The following DNAH6 variants were observed in gnomAD, a reference collection of about 807,000 sequenced individuals.
DNAH6 encodes dynein axonemal heavy chain 6.
DNAH6 carries 340 observed loss-of-function variants against 491.4 expected under a neutral mutation model. That is an observed-to-expected ratio of 0.69 (90% confidence interval 0.63 to 0.76). The LOEUF (loss-of-function observed/expected upper bound fraction) is 0.76, where lower values mean the gene tolerates loss of function less well. Ranked by LOEUF, DNAH6 falls within the 30% of genes least tolerant of loss-of-function variation. The probability of loss-of-function intolerance (pLI) is 0.00; values close to 1 mark genes in which losing one functional copy is unlikely to be tolerated. For synonymous variants in DNAH6, 1,603 were observed against 1,686.1 expected, an observed-to-expected ratio of 0.95 and a Z score of 1.21; for missense variants, 4,443 against 4,972.2, an observed-to-expected ratio of 0.89 and a Z score of 3.20.
At chr2:84,573,440 A>G (rs1682095563) in intron 11 of DNAH6, 27 bp from the exon 12 acceptor site, 1 of 1,555,002 alleles carries the variant, frequency 6.4e-7, no homozygotes, top group Non-Finnish European at 8.6e-7. Context: ...ATATGGTCAT[A>G]TTTGTCTGCT....
At chr2:84,566,647 G>A (rs960173746) in intron 11 of DNAH6, among the ~76,000 whole-genome samples, 15 of 151,778 alleles carry the variant, frequency 9.9e-5, no homozygotes, top group Admixed American at 5.9e-4. Flanking sequence ...ATACTGACAA[G>A]TTTATAATAA....
intron 62 of DNAH6, among the ~76,000 whole-genome samples, chr2:84,744,410 A>G (rs1378948453): frequency 1.3e-5 from 2 of 152,240 alleles, no homozygotes; most frequent in East Asian, 1.9e-4. Flanking sequence ...CTGTGATCCT[A>G]ACTTTCATAC....
At chr2:84,757,434 G>A (rs1372036139) in intron 63 of DNAH6, among the ~76,000 whole-genome samples, 1 of 152,156 alleles carries the variant, frequency 6.6e-6, no homozygotes, top group Non-Finnish European at 1.5e-5. Context: ...CTGCACAAAA[G>A]CTAAAGCTGA....
chr2:84,576,493 T>A (rs7591650), intron 12 of DNAH6, among the ~76,000 whole-genome samples: 2,947 of 152,140 alleles, frequency 0.019, 61 homozygotes, highest in Admixed American at 0.045. Flanking sequence ...AGTAAGGAAA[T>A]CAATTTGACC....
chr2:84,622,981 T>C (rs540151024), intron 26 of DNAH6, among the ~76,000 whole-genome samples: 1 of 152,320 alleles, frequency 6.6e-6, no homozygotes, highest in East Asian at 1.9e-4. Context: ...TGTCTTTTTC[T>C]GATAAATGTC....
chr2:84,517,558 G>T (rs1675715335), intron 1 of DNAH6, among the ~76,000 whole-genome samples: 1 of 152,102 alleles, frequency 6.6e-6, no homozygotes, highest in Non-Finnish European at 1.5e-5. Flanking sequence ...AGCAGCATCC[G>T]CCAAGAACTT....
At chr2:84,696,765 A>T (rs1259058751) in intron 46 of DNAH6, among the ~76,000 whole-genome samples, 1 of 152,114 alleles carries the variant, frequency 6.6e-6, no homozygotes, top group Non-Finnish European at 1.5e-5. Context: ...GGTAAACGAG[A>T]GATTGCTTTT....
intron 18 of DNAH6, among the ~76,000 whole-genome samples, chr2:84,597,344 T>C (rs1684698992): frequency 6.6e-6 from 1 of 152,130 alleles, no homozygotes; most frequent in Non-Finnish European, 1.5e-5. Context: ...AGAAGACACA[T>C]GAAAAGATGC....
intron 35 of DNAH6, among the ~76,000 whole-genome samples, chr2:84,656,493 C>T (rs1029908749): frequency 3.3e-5 from 5 of 151,904 alleles, no homozygotes; most frequent in Non-Finnish European, 7.4e-5. Context: ...CTAATGGGCA[C>T]GTAGTAGTAT....
chr2:84,577,876 C>T (rs1682620401), intron 13 of DNAH6, among the ~76,000 whole-genome samples: 3 of 152,244 alleles, frequency 2.0e-5, no homozygotes, highest in African/African-American at 7.2e-5. Context: ...TCCTTTGGAG[C>T]CAGAGTATAC....
chr2:84,570,872 T>C (rs1183941012), intron 11 of DNAH6, among the ~76,000 whole-genome samples: 4 of 152,182 alleles, frequency 2.6e-5, no homozygotes, highest in Admixed American at 2.6e-4. Flanking sequence ...TTAAGAGCTG[T>C]AACACTTACT....
At position 84,653,264 on chromosome 2, in the gene DNAH6, C is replaced by T. The variant is rs543520622; in HGVS notation, c.5079-55C>T. 48 of 1,318,630 alleles carry T rather than the reference C, an allele frequency of 3.6e-5. No homozygotes were observed. The Middle Eastern group carries it at 8.2e-4, about 22-fold the overall frequency. 81.7% of individuals were successfully genotyped at this position (1,318,630 alleles called of 1,614,324 possible). On this transcript the variant is annotated intron_variant, in intron 33 of 76. Coordinates refer to ENST00000389394, the MANE Select transcript of DNAH6 (RefSeq NM_001370.2). ...AATATTTCATTGATTGTAACAAATA[C>T]GGGAAAATATCAATGACCAGTTGTT... is the stretch of plus-strand genomic sequence containing the variant.
chr2:84,606,765 C>G (rs1376766344), intron 20 of DNAH6, among the ~76,000 whole-genome samples: 1 of 152,052 alleles, frequency 6.6e-6, no homozygotes, highest in Non-Finnish European at 1.5e-5. Flanking sequence ...ATTTGGCAAT[C>G]AGAAGTCCTA....
intron 40 of DNAH6, among the ~76,000 whole-genome samples, chr2:84,674,638 T>C (rs1693058826): frequency 6.6e-6 from 1 of 152,196 alleles, no homozygotes; most frequent in Non-Finnish European, 1.5e-5. Flanking sequence ...AAGCAGTCTT[T>C]TGCATATAAG....
chr2:84,778,243 G>A lies in DNAH6; in HGVS notation c.10704-3250G>A, dbSNP rs922689631. 2.9e-5 allele frequency: 18 copies of A among 625,280 alleles called. No individual in the cohort carries two copies. The Admixed American group carries it at 3.5e-4, about 12-fold the overall frequency. 38.7% of individuals were successfully genotyped at this position (625,280 alleles called of 1,614,324 possible). On this transcript the variant is annotated intron_variant, in intron 64 of 76. Transcript: ENST00000389394. ...TGCCATATTGGACTTGGAACCAAAA[G>A]GAATCAGGAATGCATGTCCGGCGGG...
the DNAH6 span, among the ~76,000 whole-genome samples, chr2:84,469,617 C>T: frequency 6.6e-6 from 1 of 152,130 alleles, no homozygotes; most frequent in African/African-American, 2.4e-5. The surrounding 1 kb of genome is among the most constrained non-coding windows in gnomAD (Gnocchi z 4.0). Context: ...GAAAAGACCC[C>T]CTCATTGCAG....
At chr2:84,697,441 G>A (rs1192290) in intron 46 of DNAH6, 134 bp from the exon 47 acceptor site, 44,495 of 968,578 alleles carry the variant, frequency 0.046, 1,270 homozygotes, top group South Asian at 0.061. Flanking sequence ...AGAACTTCAG[G>A]GTTCCATGAA....
At chr2:84,568,850 T>A (rs1196483894) in intron 11 of DNAH6, among the ~76,000 whole-genome samples, 2 of 152,200 alleles carry the variant, frequency 1.3e-5, no homozygotes, top group East Asian at 3.8e-4. Context: ...TGAGATATAA[T>A]TTCTCAACTA....
At chr2:84,775,558 T>C (rs1676040815) in intron 64 of DNAH6, among the ~76,000 whole-genome samples, 1 of 152,014 alleles carries the variant, frequency 6.6e-6, no homozygotes, top group Non-Finnish European at 1.5e-5. Flanking sequence ...CCTTTTTTGA[T>C]TTTTTGGAAT....
Sources: gnomAD v4.1 joint callset for allele counts (sites outside exome capture counted in the v4.1 genomes callset) on GRCh38, gnomAD v4.1.1 for gene constraint, Gnocchi (gnomAD v3.1) non-coding constraint, MANE v1.5 for transcripts, NCBI Gene and HGNC (gene_info 2026-07-23, HGNC 2026-07-21) for gene names.